ALDH1L2: variants seen among roughly 807,000 people sequenced by gnomAD.
The protein encoded by ALDH1L2 is mitochondrial 10-formyltetrahydrofolate dehydrogenase.
Under a neutral mutation model 111.0 loss-of-function variants are expected in ALDH1L2, and 91 were observed. That is an observed-to-expected ratio of 0.82 (90% confidence interval 0.69 to 0.98). The LOEUF (loss-of-function observed/expected upper bound fraction) is 0.98, where lower values mean the gene tolerates loss of function less well. Among genes scored for constraint, ALDH1L2 ranks in the 50% least tolerant of loss-of-function variants. The probability of loss-of-function intolerance (pLI) is 0.00; values close to 1 mark genes in which losing one functional copy is unlikely to be tolerated. For synonymous variants in ALDH1L2, 374 were observed against 392.6 expected (o/e 0.95, Z 0.56); for missense variants, 995 against 1,126.8 (o/e 0.88, Z 1.67).
chr12:105,044,151 A>G (rs1565955878), intron 15 of ALDH1L2, among the ~76,000 whole-genome samples: 1 of 152,254 alleles, frequency 6.6e-6, no homozygotes, highest in Non-Finnish European at 1.5e-5. Context: ...CTGCAGATAG[A>G]GCCAGCCTGT....
At chr12:105,048,715 T>G (rs1876068384) in intron 13 of ALDH1L2, 1 of 152,196 alleles carries the variant, frequency 6.6e-6, no homozygotes, top group Non-Finnish European at 1.5e-5. Context: ...TCCTGTATCT[T>G]TATCAAAGTT....
chr12:105,036,194 A>T lies in ALDH1L2; in HGVS notation c.2146-1796T>A, dbSNP rs191093918. On this transcript the variant is annotated intron_variant, in intron 18 of 22. Coordinates refer to ENST00000258494, the MANE Select transcript of ALDH1L2 (RefSeq NM_001034173.4). ...ACGTATATTTATATATGTGTATATA[A>T]TATATACACGTATATTTATATATGT... Among the ~76,000 whole-genome samples, 10 of 49,994 alleles carry T rather than the reference A, an allele frequency of 2.0e-4. 2 individuals carry two copies. In the South Asian group the frequency reaches 3.9e-3, roughly 19 times the overall value. 32.8% of individuals were successfully genotyped at this position (49,994 alleles called of 152,430 possible).
At chr12:105,038,039 T>G in intron 18 of ALDH1L2, 64 bp downstream of exon 18, 3 of 1,394,546 alleles carry the variant, frequency 2.2e-6, no homozygotes, top group Non-Finnish European at 3.0e-6. Flanking sequence ...AGTGCTAGGA[T>G]TACAGGCGTG....
intron 10 of ALDH1L2, among the ~76,000 whole-genome samples, chr12:105,057,115 A>T (rs1876678027): frequency 6.6e-6 from 1 of 152,042 alleles, no homozygotes. Context: ...AAGAACAGAC[A>T]TTTCTCCAAA....
rs1878139648 is a variant in ALDH1L2, at chr12:105,077,758, A to AAC, written c.49-3754_49-3753insGT. 2.7e-5 allele frequency among the ~76,000 whole-genome samples: 4 copies of AAC among 150,266 alleles called. No homozygotes were observed. In the South Asian group the frequency reaches 8.4e-4, roughly 32 times the overall value. On this transcript the variant is annotated intron_variant, in intron 1 of 22. Coordinates refer to ENST00000258494, the MANE Select transcript of ALDH1L2 (RefSeq NM_001034173.4). ...AAGAATTAAAAAAAAAAAAAAAAAAAGGTACACATAGCTTTCCAAAGAAAA... is the reference window on the plus strand; with the variant it reads ...AAGAATTAAAAAAAAAAAAAAAAAAAACGGTACACATAGCTTTCCAAAGAAAA...
At chr12:105,065,763 C>T (rs7963877) in intron 5 of ALDH1L2, among the ~76,000 whole-genome samples, 131,928 of 151,484 alleles carry the variant, frequency 0.87, 57,726 homozygotes, top group African/African-American at 0.94. Context: ...CTGCTTTGTC[C>T]GCACCTAGAT....
chr12:105,063,898 A>G (rs1042407788), intron 6 of ALDH1L2, among the ~76,000 whole-genome samples: 1 of 152,040 alleles, frequency 6.6e-6, no homozygotes, highest in Non-Finnish European at 1.5e-5. Context: ...TGATTATGCT[A>G]TAATGGTTTG....
chr12:105,068,674 A>G, intron 4 of ALDH1L2, 45 bp downstream of exon 4: 14 of 1,363,050 alleles, frequency 1.0e-5, no homozygotes, highest in Non-Finnish European at 1.2e-5. Context: ...AATATTTTCA[A>G]AACTTTAAAG....
At chr12:105,058,837 C>T (rs2136086167) in intron 9 of ALDH1L2, among the ~76,000 whole-genome samples, 1 of 152,088 alleles carries the variant, frequency 6.6e-6, no homozygotes, top group Admixed American at 6.5e-5. Context: ...GGTTGTGGTT[C>T]AATCATTTAT....
At chr12:105,061,773 A>G (rs376469013) in intron 7 of ALDH1L2, 21 bp from the exon 8 acceptor site, 305 of 1,613,702 alleles carry the variant, frequency 1.9e-4, no homozygotes, top group Non-Finnish European at 2.5e-4. Context: ...GCAACAAAAC[A>G]AGCATAAAAA....
chr12:105,032,051 A>G (rs540204105), intron 19 of ALDH1L2, 117 bp from the exon 20 acceptor site: 280 of 1,069,386 alleles, frequency 2.6e-4, no homozygotes, highest in Middle Eastern at 1.6e-3. Flanking sequence ...AGTCTTTACA[A>G]TAGCACCGGA....
chr12:105,072,183 A>G lies in ALDH1L2; in HGVS notation c.194-1379T>C, dbSNP rs539335313. On this transcript the variant is annotated intron_variant, in intron 2 of 22. Transcript: ENST00000258494. ...ATTATAGAAATTATGATATCTATTA[A>G]TATCCTATATGATATATACATTTTA... is the stretch of plus-strand genomic sequence containing the variant. 6.8e-5 allele frequency among the ~76,000 whole-genome samples: 10 copies of G among 148,094 alleles called. No homozygotes were observed. In the East Asian group the frequency reaches 2.0e-3, roughly 29 times the overall value.
intron 1 of ALDH1L2, among the ~76,000 whole-genome samples, chr12:105,082,097 G>T (rs1878361688): frequency 6.6e-6 from 1 of 152,230 alleles, no homozygotes; most frequent in Non-Finnish European, 1.5e-5. Context: ...AAAAGGCTGA[G>T]GCAGGAGAAT....
intron 18 of ALDH1L2, among the ~76,000 whole-genome samples, chr12:105,034,918 A>G (rs1051033744): frequency 6.6e-6 from 1 of 152,166 alleles, no homozygotes; most frequent in Non-Finnish European, 1.5e-5. Context: ...CAGGAGGCGG[A>G]GGTTGCAGTG....
At chr12:105,065,391 T>C in intron 5 of ALDH1L2, 35 bp from the exon 6 acceptor site, 1 of 1,571,274 alleles carries the variant, frequency 6.4e-7, no homozygotes, top group South Asian at 1.1e-5. Flanking sequence ...GAGCCTCCTA[T>C]GGCTGTGAAC....
chr12:105,041,956 G>A (rs542978725), intron 15 of ALDH1L2, among the ~76,000 whole-genome samples: 1 of 152,214 alleles, frequency 6.6e-6, no homozygotes, highest in East Asian at 1.9e-4. Context: ...CTTCTCCAAG[G>A]AGCCCAAGTT....
At chr12:105,029,058 GCT>G (rs1260035644) in intron 21 of ALDH1L2, among the ~76,000 whole-genome samples, 4 of 138,254 alleles carry the variant, frequency 2.9e-5, no homozygotes, top group Non-Finnish European at 4.6e-5. Flanking sequence ...GCCAGGCATT[GCT>G]CTGTCGCCTA....
intron 15 of ALDH1L2, among the ~76,000 whole-genome samples, chr12:105,044,299 G>T (rs1411940334): frequency 6.6e-6 from 1 of 152,060 alleles, no homozygotes; most frequent in Non-Finnish European, 1.5e-5. Flanking sequence ...GCACTCATTG[G>T]ATTTCATTTA....
chr12:105,078,552 C>T (rs1201137136), intron 1 of ALDH1L2, among the ~76,000 whole-genome samples: 2 of 152,186 alleles, frequency 1.3e-5, no homozygotes, highest in Admixed American at 1.3e-4. Context: ...AGTGGTGGCC[C>T]CTTTACCCTA....
Sources: allele counts gnomAD v4.1 joint callset (sites outside exome capture counted in the v4.1 genomes callset), GRCh38; gene constraint gnomAD v4.1.1; transcripts MANE v1.5; gene names NCBI Gene and HGNC (gene_info 2026-07-23, HGNC 2026-07-21).